Variants in CDH23 observed in about 807,000 individuals in gnomAD.
The protein encoded by CDH23 is cadherin-23.
In CDH23, 189 loss-of-function variants were observed where a neutral mutation model predicts 317.1. That is an observed-to-expected ratio of 0.60 (90% CI 0.53 to 0.67). The LOEUF (loss-of-function observed/expected upper bound fraction) is 0.67, where lower values mean the gene tolerates loss of function less well. Ranked by LOEUF, CDH23 falls within the 30% of genes least tolerant of loss-of-function variation. The pLI is 0.00. For synonymous variants in CDH23, 1,839 were observed against 1,876.8 expected (o/e 0.98, Z 0.52); for missense variants, 4,401 against 4,592.4 (o/e 0.96, Z 1.20).
rs376554779 is a variant in CDH23, at chr10:71,802,032, G to A, written c.7483-866G>A. 2.8e-4 allele frequency among the ~76,000 whole-genome samples: 42 copies of A among 152,366 alleles called. 2 individuals are homozygous for A. The highest frequency in any genetic ancestry group is 9.6e-4 in the African/African-American group (40 of 41,584). On this transcript the variant is annotated intron_variant, in intron 53 of 69. Coordinates refer to ENST00000224721, the MANE Select transcript of CDH23 (RefSeq NM_022124.6). ...TTTAAAGTCACGGCTGCTGGCCGGA[G>A]CATGGTGGCTCATGCCTGTAATCCC...
intron 1 of CDH23, among the ~76,000 whole-genome samples, chr10:71,412,375 A>G (rs538243247): frequency 1.3e-5 from 2 of 152,228 alleles, no homozygotes; most frequent in South Asian, 4.1e-4. Context: ...TTTTTTGAGG[A>G]ACTGCCGTAC....
chr10:71,465,281 G>T (rs1851192830), intron 3 of CDH23, among the ~76,000 whole-genome samples: 1 of 152,252 alleles, frequency 6.6e-6, no homozygotes, highest in Admixed American at 6.5e-5. Context: ...TTTTATAAAA[G>T]AGAAACAGAC....
chr10:71,706,886 C>T lies in CDH23; in HGVS notation c.2954-11C>T. On this transcript the variant is annotated splice_polypyrimidine_tract_variant and intron_variant, in intron 25 of 69. Transcript: ENST00000224721. ...GCCAGGCCTAGCCCCGGCGCCCGTTCTGCCCCGCAGTGCTGGATGTGAACG... is the reference window on the plus strand; with the variant it reads ...GCCAGGCCTAGCCCCGGCGCCCGTTTTGCCCCGCAGTGCTGGATGTGAACG... 6.3e-7 allele frequency: 1 copy of T among 1,588,578 alleles called. No individual in the cohort carries two copies. Among genetic ancestry groups the T allele is most frequent in the Non-Finnish European group, 8.6e-7 (1 of 1,167,574 alleles).
intron 25 of CDH23, 84 bp downstream of exon 25, chr10:71,705,214 GT>G: frequency 7.9e-7 from 1 of 1,266,418 alleles, no homozygotes. Context: ...GGGAGCCCAT[GT>G]CCCCCACTGC....
intron 18 of CDH23, among the ~76,000 whole-genome samples, chr10:71,685,316 T>C (rs548713363): frequency 2.0e-5 from 3 of 152,188 alleles, no homozygotes; most frequent in Non-Finnish European, 4.4e-5. Flanking sequence ...CCCACCCTCA[T>C]GAGATTTTGA....
In CDH23 at chr10:71,791,171, A is replaced by G. The variant is rs893097209; in HGVS notation, c.6089A>G (p.Glu2030Gly). 9.3e-6 allele frequency: 15 copies of G among 1,612,500 alleles called. No homozygotes were observed. The highest frequency in any genetic ancestry group is 1.3e-5 in the Non-Finnish European group (15 of 1,179,442). ...TVRSGVIIDR[E>G]AFSPPILELL... ...AGGTCAGGTGTCATCATTGACCGGG[A>G]GGCATTCTCGCCACCCATCCTGGAG... The change falls in exon 47 of 70, where the codon GAG becomes GGG. Residue 2030 changes from glutamate to glycine, a missense_variant. Physicochemically the swap from Glu to Gly is moderately conservative, Grantham distance 98. Coordinates refer to ENST00000224721, the MANE Select transcript of CDH23 (RefSeq NM_022124.6).
chr10:71,681,829 G>A (rs986543184), intron 17 of CDH23, among the ~76,000 whole-genome samples: 1 of 152,222 alleles, frequency 6.6e-6, no homozygotes, highest in African/African-American at 2.4e-5. Flanking sequence ...GAAGATTAGA[G>A]AAATAGGGCT....
At chr10:71,520,914 T>C (rs1854637271) in intron 6 of CDH23, among the ~76,000 whole-genome samples, 1 of 152,170 alleles carries the variant, frequency 6.6e-6, no homozygotes, top group Non-Finnish European at 1.5e-5. Flanking sequence ...CCACCTTGTT[T>C]TCTACCAGGA....
intron 3 of CDH23, among the ~76,000 whole-genome samples, chr10:71,455,488 ATATATACT>A (rs1288556024): frequency 6.6e-6 from 1 of 152,232 alleles, no homozygotes; most frequent in Non-Finnish European, 1.5e-5. Context: ...ACAGATGCAC[ATATATACT>A]TATATTCATT....
At chr10:71,797,917 T>A (rs11000003) in intron 49 of CDH23, among the ~76,000 whole-genome samples, 43,557 of 151,916 alleles carry the variant, frequency 0.29, 6,539 homozygotes, top group East Asian at 0.53. Context: ...TGGCAGATGA[T>A]GACTGCTTAT....
At chr10:71,475,869 G>T (rs1052226505) in intron 3 of CDH23, among the ~76,000 whole-genome samples, 3 of 152,232 alleles carry the variant, frequency 2.0e-5, no homozygotes, top group Non-Finnish European at 2.9e-5. Flanking sequence ...ATGTCACCCT[G>T]CAGGAGCCGG....
In CDH23 at chr10:71,751,098, G is replaced by T; in HGVS notation, c.4845+9177G>T. 1.1e-6 allele frequency: 1 copy of T among 898,850 alleles called. No individual in the cohort carries two copies. The highest frequency in any genetic ancestry group is 1.7e-6 in the Non-Finnish European group (1 of 597,110). The allele number at this position is 898,850 out of a possible 1,614,324, so 55.7% of individuals were successfully genotyped here. On this transcript the variant is annotated intron_variant, in intron 38 of 69. Transcript: ENST00000224721. The surrounding 1 kb of genome is among the most constrained non-coding windows in gnomAD (Gnocchi z 4.9). ...TCCCCATGTAGCATCCAGAGGGGTT[G>T]AGGGGCTGGGCTTCTGGGATGTCAC...
At chr10:71,795,797 G>GTTAA in intron 48 of CDH23, 1 of 984,860 alleles carries the variant, frequency 1.0e-6, no homozygotes, top group Non-Finnish European at 1.2e-6. Context: ...ACTAACTGAT[G>GTTAA]TTAACCCTCT....
chr10:71,797,103 G>T lies in CDH23; in HGVS notation c.6713-1G>T. The T allele has an allele frequency of 6.2e-7, 1 of 1,606,844 alleles. No homozygotes were observed. Among genetic ancestry groups the T allele is most frequent in the Non-Finnish European group, 8.5e-7 (1 of 1,174,338 alleles). On this transcript the variant is annotated splice_acceptor_variant, in intron 48 of 69. Coordinates refer to ENST00000224721, the MANE Select transcript of CDH23 (RefSeq NM_022124.6). LOFTEE classifies it high-confidence loss of function. ...TGAACCTGGCCTGGTCTGGTCCACA[G>T]GATCTGTAATGGTGAAGTCCCCCAT...
At position 71,730,517 on chromosome 10, in the gene CDH23, C is replaced by T. The variant is rs397517326; in HGVS notation, c.3628C>T (p.Gln1210Ter). 2 of 1,613,988 alleles carry T rather than the reference C, an allele frequency of 1.2e-6. No homozygotes were observed. Among genetic ancestry groups the T allele is most frequent in the Admixed American group, 1.7e-5 (1 of 60,022 alleles). The change falls in exon 31 of 70, where the codon CAG becomes TAG. Residue 1210 changes from glutamine (Q) to a stop codon, truncating the protein, a stop_gained. Transcript: ENST00000224721. LOFTEE classifies it high-confidence loss of function. Reference protein sequence around the residue: ...DINDEAPVFTQQQYSRLGLRE... With the variant: ...DINDEAPVFT The stretch of plus-strand genomic sequence containing the variant: ...CAACGATGAGGCCCCCGTGTTCACA[C>T]AGCAGCAGTACAGCCGTCTGGGGCT...
chr10:71,782,323 G>T (rs1486708028), intron 41 of CDH23, among the ~76,000 whole-genome samples: 2 of 152,164 alleles, frequency 1.3e-5, no homozygotes, highest in Non-Finnish European at 1.5e-5. Flanking sequence ...GCCTGCCTGG[G>T]CTCCCTTTCG....
intron 6 of CDH23, among the ~76,000 whole-genome samples, chr10:71,526,100 G>C (rs1435785907): frequency 1.3e-5 from 2 of 152,228 alleles, no homozygotes; most frequent in South Asian, 2.1e-4. Context: ...GCATCGCTGA[G>C]GGGGTGGAGC....
intron 37 of CDH23, 37 bp downstream of exon 37, chr10:71,740,987 C>CG (rs1839719074): frequency 1.9e-6 from 3 of 1,612,110 alleles, no homozygotes; most frequent in African/African-American, 1.3e-5. Context: ...GCTGGACATA[C>CG]GGGGGGACCG....
In CDH23 at chr10:71,784,531, G is replaced by A. The variant is rs1423486409; in HGVS notation, c.5502+111G>A. 6.9e-6 allele frequency: 10 copies of A among 1,442,868 alleles called. No individual in the cohort carries two copies. The East Asian group carries it at 1.9e-4, about 27-fold the overall frequency. The allele number at this position is 1,442,868 out of a possible 1,614,324, so 89.4% of individuals were successfully genotyped here. A position where few individuals can be genotyped will look rare whatever the true frequency, so the allele number is the denominator to read the frequency against. On this transcript the variant is annotated intron_variant, in intron 42 of 69. Coordinates refer to ENST00000224721, the MANE Select transcript of CDH23 (RefSeq NM_022124.6). ...GCCAAGAGAGGCCACAGGCTGCCCT[G>A]GAGCCAGGCCAGGCCTGCCCCTGGG...
Sources: gnomAD v4.1 joint callset for allele counts (sites outside exome capture counted in the v4.1 genomes callset) on GRCh38, gnomAD v4.1.1 for gene constraint, Gnocchi (gnomAD v3.1) non-coding constraint, MANE v1.5 for transcripts, NCBI Gene and HGNC (gene_info 2026-07-23, HGNC 2026-07-21) for gene names.